ARFGEF3: variants seen among roughly 807,000 people sequenced by gnomAD.
The protein encoded by ARFGEF3 is ARFGEF family member 3, also known as brefeldin A-inhibited guanine nucleotide-exchange protein 3.
ARFGEF3 carries 96 observed loss-of-function variants against 221.7 expected under a neutral mutation model. The observed-to-expected ratio is 0.43, with a 90% CI of 0.37 to 0.51. ARFGEF3 has a LOEUF of 0.51. Ranked by LOEUF, ARFGEF3 falls within the 20% of genes least tolerant of loss-of-function variation. ARFGEF3 has a pLI of 0.00. For missense variants in ARFGEF3, 2,410 were observed against 2,789.9 expected, an observed-to-expected ratio of 0.86 and a Z score of 3.07; for synonymous variants, 1,145 against 1,126.8, an observed-to-expected ratio of 1.02 and a Z score of -0.32.
intron 29 of ARFGEF3, among the ~76,000 whole-genome samples, chr6:138,322,229 C>T (rs749229896): frequency 2.6e-5 from 4 of 152,128 alleles, no homozygotes; most frequent in Non-Finnish European, 4.4e-5. Flanking sequence ...CTTCTCCTGC[C>T]CCTGGACTGT....
intron 25 of ARFGEF3, among the ~76,000 whole-genome samples, chr6:138,312,252 GC>G (rs1779842972): frequency 6.6e-6 from 1 of 152,052 alleles, no homozygotes; most frequent in African/African-American, 2.4e-5. Flanking sequence ...CTGACACCAT[GC>G]CCCCTCCCTG....
chr6:138,197,120 G>C (rs1157299520), intron 2 of ARFGEF3, among the ~76,000 whole-genome samples: 1 of 152,144 alleles, frequency 6.6e-6, no homozygotes, highest in African/African-American at 2.4e-5. Context: ...GGCATGAGCC[G>C]CCATGCCCGG....
chr6:138,244,416 T>C (rs191590239), intron 7 of ARFGEF3, among the ~76,000 whole-genome samples: 122 of 152,378 alleles, frequency 8.0e-4, no homozygotes, highest in African/African-American at 2.9e-3. Flanking sequence ...CCACTTACTA[T>C]TTCATGTAGC....
chr6:138,341,177 A>C lies in ARFGEF3; in HGVS notation c.*4691A>C, dbSNP rs1488036563. 6.5e-6 allele frequency: 1 copy of C among 152,948 alleles called. No homozygotes were observed. Among genetic ancestry groups the C allele is most frequent in the African/African-American group, 2.4e-5 (1 of 41,468 alleles). 9.5% of individuals were successfully genotyped at this position (152,948 alleles called of 1,614,324 possible). On this transcript the variant is annotated 3_prime_UTR_variant, in exon 34 of 34. Coordinates refer to ENST00000251691, the MANE Select transcript of ARFGEF3 (RefSeq NM_020340.5). ...TCAAATATCATTTAATCAACTCAGA[A>C]TAAAGTGCCCTGTAGCCAACAGTGC...
chr6:138,279,178 C>T (rs1779152458), intron 13 of ARFGEF3, among the ~76,000 whole-genome samples: 1 of 152,012 alleles, frequency 6.6e-6, no homozygotes, highest in Non-Finnish European at 1.5e-5. Context: ...CCAAGCCTGG[C>T]TAATTTTTTA....
intron 27 of ARFGEF3, among the ~76,000 whole-genome samples, chr6:138,318,393 T>A (rs531145080): frequency 1.4e-4 from 21 of 152,318 alleles, no homozygotes; most frequent in African/African-American, 5.1e-4. Context: ...ATTGTATATA[T>A]AAGATGTTTG....
chr6:138,212,551 A>G (rs1777750183), intron 4 of ARFGEF3, among the ~76,000 whole-genome samples: 1 of 152,254 alleles, frequency 6.6e-6, no homozygotes, highest in Non-Finnish European at 1.5e-5. Context: ...ATTATAAATC[A>G]TGCTACTATA....
Position 138,321,244 on chromosome 6 carries a change from G to C in ARFGEF3, c.4766+19G>C. 4.0e-6 allele frequency: 5 copies of C among 1,258,556 alleles called. No individual in the cohort carries two copies. The highest frequency in any genetic ancestry group is 5.6e-6 in the Non-Finnish European group (5 of 896,050). 78.0% of individuals were successfully genotyped at this position (1,258,556 alleles called of 1,614,324 possible). ...GTATTAGGTGAGGAAATGCTTTCCT[G>C]ACTCTCCACAAAGCTGGAGTTTTTA... On this transcript the variant is annotated intron_variant, in intron 29 of 33. Transcript: ENST00000251691.
intron 17 of ARFGEF3, 85 bp downstream of exon 17, chr6:138,287,269 C>T (rs1779315593): frequency 2.0e-6 from 2 of 991,406 alleles, no homozygotes; most frequent in Non-Finnish European, 3.1e-6. Context: ...CCAGCCAACA[C>T]TCGTGCCTGT....
rs11969331 is a variant in ARFGEF3, at chr6:138,328,258, G to A, written c.5123+116G>A. ...CAGAAATACTGAAAACATTTGTGGA[G>A]TCATTTAGCAAAGGTTTTCATAAAA... On this transcript the variant is annotated intron_variant, in intron 32 of 33. Transcript: ENST00000251691. The A allele has an allele frequency of 2.7e-3, 3,336 of 1,233,314 alleles. 60 individuals carry two copies. In the African/African-American group the frequency reaches 0.045, roughly 17 times the overall value. The allele number at this position is 1,233,314 out of a possible 1,614,324, so 76.4% of individuals were successfully genotyped here. A position where few individuals can be genotyped will look rare whatever the true frequency, so the allele number is the denominator to read the frequency against.
At chr6:138,301,611 C>A (rs1399945967) in intron 22 of ARFGEF3, among the ~76,000 whole-genome samples, 1 of 152,150 alleles carries the variant, frequency 6.6e-6, no homozygotes, top group Non-Finnish European at 1.5e-5. Flanking sequence ...TCCTGGATAT[C>A]AGAGATTCAT....
intron 6 of ARFGEF3, 137 bp from the exon 7 acceptor site, chr6:138,242,815 G>A: frequency 1.5e-6 from 1 of 668,932 alleles, no homozygotes; most frequent in Non-Finnish European, 2.7e-6. Flanking sequence ...CTGGTGGGTA[G>A]GGGTGGGCTC....
chr6:138,327,332 TCAGC>T (rs1780144285), intron 31 of ARFGEF3, among the ~76,000 whole-genome samples: 1 of 112,616 alleles, frequency 8.9e-6, no homozygotes, highest in East Asian at 2.5e-4. Context: ...TCCCAGCTAC[TCAGC>T]TACTCGAGGG....
chr6:138,240,684 G>A (rs1039267486), intron 6 of ARFGEF3, among the ~76,000 whole-genome samples: 7 of 152,090 alleles, frequency 4.6e-5, no homozygotes, highest in African/African-American at 7.2e-5. Context: ...TTACTCATGC[G>A]GTCCCTGGAG....
intron 22 of ARFGEF3, among the ~76,000 whole-genome samples, chr6:138,301,656 A>G (rs1018203040): frequency 1.3e-5 from 2 of 152,246 alleles, no homozygotes; most frequent in South Asian, 2.1e-4. Flanking sequence ...ACATCCCTGG[A>G]TGACTGAAAC....
intron 6 of ARFGEF3, 21 bp from the exon 7 acceptor site, chr6:138,242,931 T>G: frequency 6.3e-7 from 1 of 1,599,762 alleles, no homozygotes; most frequent in Non-Finnish European, 8.6e-7. Flanking sequence ...CCTAATTGTG[T>G]GTGTGTATCT....
At chr6:138,301,994 GA>G (rs553530034) in intron 22 of ARFGEF3, among the ~76,000 whole-genome samples, 18 of 151,868 alleles carry the variant, frequency 1.2e-4, no homozygotes, top group African/African-American at 3.1e-4. Flanking sequence ...AGTCTGGGGG[GA>G]AAAAAACCCT....
chr6:138,217,507 AG>A (rs1777892686), intron 4 of ARFGEF3: 1 of 153,222 alleles, frequency 6.5e-6, no homozygotes. Context: ...ACTTATCCAA[AG>A]TTTCACTTTC....
At chr6:138,232,995 C>T (rs1436877296) in intron 5 of ARFGEF3, among the ~76,000 whole-genome samples, 1 of 152,164 alleles carries the variant, frequency 6.6e-6, no homozygotes, top group Admixed American at 6.5e-5. Context: ...TATTGGCAAC[C>T]AACTGAAGTG....
Sources: allele counts gnomAD v4.1 joint callset (sites outside exome capture counted in the v4.1 genomes callset), GRCh38; gene constraint gnomAD v4.1.1; transcripts MANE v1.5; gene names NCBI Gene and HGNC (gene_info 2026-07-23, HGNC 2026-07-21).